The following ARHGAP10 variants were observed in gnomAD, a reference collection of about 807,000 sequenced individuals.
The protein encoded by ARHGAP10 is Rho GTPase activating protein 10.
ARHGAP10 carries 87 observed loss-of-function variants against 108.6 expected under a neutral mutation model. The ratio of observed to expected loss-of-function variants is 0.80; its 90% CI spans 0.67 to 0.96. The LOEUF (loss-of-function observed/expected upper bound fraction) is 0.96. Among genes scored for constraint, ARHGAP10 ranks in the 40% least tolerant of loss-of-function variants. The pLI is 0.00. For synonymous variants in ARHGAP10, 347 were observed against 341.1 expected (o/e 1.02, Z -0.19); for missense variants, 939 against 954.5 (o/e 0.98, Z 0.21).
chr4:147,824,320 T>TC (rs1553953957), intron 3 of ARHGAP10, among the ~76,000 whole-genome samples: 1 of 136,562 alleles, frequency 7.3e-6, no homozygotes, highest in Non-Finnish European at 1.5e-5. Flanking sequence ...GGACTCTGTC[T>TC]CAAAAAAAAA....
At chr4:147,998,090 T>G (rs1740549890) in intron 18 of ARHGAP10, among the ~76,000 whole-genome samples, 1 of 151,826 alleles carries the variant, frequency 6.6e-6, no homozygotes, top group African/African-American at 2.4e-5. Context: ...ATTCACCTAC[T>G]CCCCAAATTA....
At chr4:147,880,171 A>C (rs1735268612) in intron 9 of ARHGAP10, among the ~76,000 whole-genome samples, 1 of 152,216 alleles carries the variant, frequency 6.6e-6, no homozygotes, top group Non-Finnish European at 1.5e-5. Flanking sequence ...AATGGCCTAG[A>C]GACAAAGCTT....
At chr4:147,783,163 A>T (rs1331279974) in intron 1 of ARHGAP10, among the ~76,000 whole-genome samples, 2 of 132,660 alleles carry the variant, frequency 1.5e-5, no homozygotes, top group Non-Finnish European at 3.3e-5. Context: ...TATATTGTAT[A>T]ATTTATATAA....
intron 10 of ARHGAP10, among the ~76,000 whole-genome samples, chr4:147,904,257 G>A (rs1402655165): frequency 6.6e-6 from 1 of 151,800 alleles, no homozygotes; most frequent in Non-Finnish European, 1.5e-5. Flanking sequence ...TATACTTTAA[G>A]TTTTAGGGTA....
chr4:148,000,901 C>A (rs1740691436), intron 18 of ARHGAP10, among the ~76,000 whole-genome samples: 1 of 152,150 alleles, frequency 6.6e-6, no homozygotes, highest in African/African-American at 2.4e-5. Context: ...ATGGTAGTTT[C>A]TTTTGCTGTG....
chr4:147,952,909 C>A (rs1235096463), intron 15 of ARHGAP10, among the ~76,000 whole-genome samples: 1 of 151,840 alleles, frequency 6.6e-6, no homozygotes, highest in Non-Finnish European at 1.5e-5. Flanking sequence ...GTTCTGTGAT[C>A]CATTTTGAGT....
intron 22 of ARHGAP10, among the ~76,000 whole-genome samples, chr4:148,065,825 T>A (rs1729844371): frequency 1.3e-5 from 2 of 152,088 alleles, no homozygotes; most frequent in South Asian, 4.1e-4. Context: ...GTAACAAAAA[T>A]TGACACAACT....
At chr4:147,874,210 T>C (rs1486424965) in intron 7 of ARHGAP10, among the ~76,000 whole-genome samples, 1 of 152,202 alleles carries the variant, frequency 6.6e-6, no homozygotes, top group East Asian at 1.9e-4. Context: ...TCTGTCTCAG[T>C]TCCTCCACAG....
chr4:147,866,843 A>G (rs1445600017), intron 7 of ARHGAP10, 27 bp downstream of exon 7: 2 of 1,524,536 alleles, frequency 1.3e-6, no homozygotes, highest in Non-Finnish European at 1.8e-6. Context: ...TTTCTTTATA[A>G]AAAGATGTTT....
intron 3 of ARHGAP10, among the ~76,000 whole-genome samples, chr4:147,845,817 G>A (rs1462476632): frequency 2.6e-5 from 4 of 152,132 alleles, no homozygotes; most frequent in African/African-American, 9.7e-5. Flanking sequence ...CTGTGAAAAC[G>A]TATGCTAGCA....
intron 18 of ARHGAP10, among the ~76,000 whole-genome samples, chr4:147,993,844 T>TG (rs1046006072): frequency 3.9e-5 from 6 of 152,180 alleles, no homozygotes; most frequent in African/African-American, 1.4e-4. Flanking sequence ...CTAGTCTGCT[T>TG]GGGGGAGAGG....
chr4:147,876,635 T>C (rs1283555648), intron 8 of ARHGAP10, among the ~76,000 whole-genome samples: 2 of 152,080 alleles, frequency 1.3e-5, no homozygotes, highest in Non-Finnish European at 2.9e-5. Flanking sequence ...ACCACCTCGA[T>C]AGTCTTGAGA....
At chr4:147,948,033 C>T (rs371086022) in intron 15 of ARHGAP10, among the ~76,000 whole-genome samples, 11 of 151,572 alleles carry the variant, frequency 7.3e-5, no homozygotes, top group East Asian at 2.0e-4. Context: ...CTCCGCCTCC[C>T]GGGTTCCAGC....
At chr4:148,010,518 A>T (rs1288431947) in intron 18 of ARHGAP10, among the ~76,000 whole-genome samples, 1 of 152,200 alleles carries the variant, frequency 6.6e-6, no homozygotes, top group Non-Finnish European at 1.5e-5. Flanking sequence ...TGTTTACAAT[A>T]AACATTGTAT....
intron 15 of ARHGAP10, among the ~76,000 whole-genome samples, chr4:147,947,448 G>A (rs555535628): frequency 1.3e-5 from 2 of 150,940 alleles, no homozygotes; most frequent in Admixed American, 6.6e-5. Flanking sequence ...TTTTGCCCAC[G>A]CTGGAGTGCA....
chr4:148,057,890 G>A (rs1277854518), intron 20 of ARHGAP10, among the ~76,000 whole-genome samples: 1 of 152,238 alleles, frequency 6.6e-6, no homozygotes, highest in Non-Finnish European at 1.5e-5. Flanking sequence ...TGTAAATGAT[G>A]AGCCAGTGGG....
At chr4:147,868,675 G>T (rs1272604989) in intron 7 of ARHGAP10, among the ~76,000 whole-genome samples, 1 of 152,232 alleles carries the variant, frequency 6.6e-6, no homozygotes, top group Non-Finnish European at 1.5e-5. Context: ...TATAGATGCA[G>T]TGGGGGTGGG....
chr4:147,839,657 T>G (rs535082504), intron 3 of ARHGAP10, among the ~76,000 whole-genome samples: 1 of 152,232 alleles, frequency 6.6e-6, no homozygotes, highest in African/African-American at 2.4e-5. Context: ...ACATCAGAAC[T>G]TAGACTTTGA....
At chr4:147,834,463 C>T (rs1313762886) in intron 3 of ARHGAP10, among the ~76,000 whole-genome samples, 1 of 151,868 alleles carries the variant, frequency 6.6e-6, no homozygotes, top group South Asian at 2.1e-4. Flanking sequence ...AGAGTGAGAC[C>T]CCATCTCAAA....
Sources: gnomAD v4.1 joint callset for allele counts (sites outside exome capture counted in the v4.1 genomes callset) on GRCh38, gnomAD v4.1.1 for gene constraint, MANE v1.5 for transcripts, NCBI Gene and HGNC (gene_info 2026-07-23, HGNC 2026-07-21) for gene names.